The following DERA variants were observed in gnomAD, a reference collection of about 807,000 sequenced individuals.
DERA encodes the protein deoxyribose-phosphate aldolase, also known as 2-deoxy-D-ribose 5-phosphate aldolase.
In DERA, 15 loss-of-function variants were observed where a neutral mutation model predicts 41.1. The observed-to-expected ratio is 0.37, with a 90% CI of 0.24 to 0.56. The LOEUF (loss-of-function observed/expected upper bound fraction) is 0.56, where lower values mean the gene tolerates loss of function less well. DERA is among the 20% of genes least tolerant of loss of function. DERA has a pLI of 0.81. For missense variants in DERA, 396 were observed against 403.4 expected (o/e 0.98, Z 0.16); for synonymous variants, 139 against 137.4 (o/e 1.01, Z -0.08).
chr12:15,919,970 ATGTGTG>A (rs10523539), intron 1 of DERA, among the ~76,000 whole-genome samples: 1 of 148,166 alleles, frequency 6.7e-6, no homozygotes, highest in South Asian at 2.2e-4. Flanking sequence ...TGAGAAAGAA[ATGTGTG>A]TGTGTGTGTG....
chr12:16,034,343 T>C (rs1273428508), intron 7 of DERA, among the ~76,000 whole-genome samples: 2 of 152,332 alleles, frequency 1.3e-5, no homozygotes, highest in East Asian at 3.9e-4. Flanking sequence ...AGAATGTCAA[T>C]GAAATTTTTA....
chr12:15,940,421 G>A lies in DERA; in HGVS notation c.32-16515G>A, dbSNP rs923550365. ...GGCTGGAGTACAGTGGCATGATCTT[G>A]GCTCACTGCAACCTCCACCTCCCGG... On this transcript the variant is annotated intron_variant, in intron 1 of 8. Transcript: ENST00000428559. This position sits in a 1 kb window ranked among gnomAD's most constrained non-coding sequence, Gnocchi z 5.1. Among the ~76,000 whole-genome samples, 3 of 151,892 alleles carry A rather than the reference G, an allele frequency of 2.0e-5. No individual in the cohort carries two copies. Among genetic ancestry groups the A allele is most frequent in the African/African-American group, 7.3e-5 (3 of 41,318 alleles).
rs1948241667 is a variant in DERA at position 15,921,278 on chromosome 12, C to A, written c.31+9864C>A. Among the ~76,000 whole-genome samples the A allele has an allele frequency of 6.6e-6, 1 of 151,658 alleles. No homozygotes were observed. Among genetic ancestry groups the A allele is most frequent in the Non-Finnish European group, 1.5e-5 (1 of 67,918 alleles). On this transcript the variant is annotated intron_variant, in intron 1 of 8. Coordinates refer to ENST00000428559, the MANE Select transcript of DERA (RefSeq NM_015954.4). The surrounding 1 kb of genome is among the most constrained non-coding windows in gnomAD (Gnocchi z 5.3). The stretch of plus-strand genomic sequence containing the variant: ...AGGGACATACTTTATTCAAATGATG[C>A]CAGTGGTTAGTGGAAGGATATAATC...
At position 16,036,842 on chromosome 12, in the gene DERA, T is replaced by C; in HGVS notation, c.*96T>C. 2.2e-6 allele frequency: 2 copies of C among 909,734 alleles called. No individual in the cohort carries two copies. Among genetic ancestry groups the C allele is most frequent in the Non-Finnish European group, 3.4e-6 (2 of 588,754 alleles). The allele number at this position is 909,734 out of a possible 1,614,324, so 56.4% of individuals were successfully genotyped here. A position where few individuals can be genotyped will look rare whatever the true frequency, so the allele number is the denominator to read the frequency against. On this transcript the variant is annotated 3_prime_UTR_variant, in exon 9 of 9. Transcript: ENST00000428559. The surrounding 1 kb of genome is among the most constrained non-coding windows in gnomAD (Gnocchi z 4.9). ...ATTATTTAATTAAAAAATTGGGCAGTAGGTAACTGGCATTCCTCTCTTTAA... is the reference window on the plus strand; with the variant it reads ...ATTATTTAATTAAAAAATTGGGCAGCAGGTAACTGGCATTCCTCTCTTTAA...
chr12:15,930,548 A>G (rs1467347619), intron 1 of DERA, among the ~76,000 whole-genome samples: 3 of 152,210 alleles, frequency 2.0e-5, no homozygotes, highest in African/African-American at 7.2e-5. Context: ...AAATAATCAT[A>G]GACAAGTGTT....
intron 1 of DERA, among the ~76,000 whole-genome samples, chr12:15,914,080 G>A (rs1415069271): frequency 6.6e-6 from 1 of 152,032 alleles, no homozygotes; most frequent in African/African-American, 2.4e-5. Flanking sequence ...TACACAGAAG[G>A]CCCTCAAAAA....
chr12:15,940,562 A>G lies in DERA; in HGVS notation c.32-16374A>G, dbSNP rs1259664010. Among the ~76,000 whole-genome samples the G allele has an allele frequency of 6.6e-6, 1 of 152,110 alleles. No homozygotes were observed. Among genetic ancestry groups the G allele is most frequent in the East Asian group, 1.9e-4 (1 of 5,178 alleles). On this transcript the variant is annotated intron_variant, in intron 1 of 8. Coordinates refer to ENST00000428559, the MANE Select transcript of DERA (RefSeq NM_015954.4). The surrounding 1 kb of genome is among the most constrained non-coding windows in gnomAD (Gnocchi z 5.1). ...GAGACAGAGTTTCACCATGTTAGCC[A>G]AGATGGTCTTGATCTCCTGACCTCG...
intron 6 of DERA, among the ~76,000 whole-genome samples, chr12:16,030,353 A>G (rs892961938): frequency 1.3e-5 from 2 of 152,168 alleles, no homozygotes; most frequent in Non-Finnish European, 2.9e-5. Context: ...TTAGAAAAAC[A>G]CATCTTGATA....
At position 15,938,063 on chromosome 12, in the gene DERA, C is replaced by T. The variant is rs1948381631; in HGVS notation, c.32-18873C>T. 6.6e-6 allele frequency among the ~76,000 whole-genome samples: 1 copy of T among 152,148 alleles called. No individual in the cohort carries two copies. The highest frequency in any genetic ancestry group is 2.1e-4 in the South Asian group (1 of 4,826). ...ACAACATAACCACTGGATTATGTGCCAGGGCCTGATAGACAATGAACACCT... is the reference window on the plus strand; with the variant it reads ...ACAACATAACCACTGGATTATGTGCTAGGGCCTGATAGACAATGAACACCT... On this transcript the variant is annotated intron_variant, in intron 1 of 8. Coordinates refer to ENST00000428559, the MANE Select transcript of DERA (RefSeq NM_015954.4). This position sits in a 1 kb window ranked among gnomAD's most constrained non-coding sequence, Gnocchi z 4.1.
intron 1 of DERA, among the ~76,000 whole-genome samples, chr12:15,917,301 T>C (rs932402963): frequency 6.6e-6 from 1 of 152,232 alleles, no homozygotes; most frequent in African/African-American, 2.4e-5. Context: ...GGTAAGAGAA[T>C]TTAAAAATTT....
intron 1 of DERA, among the ~76,000 whole-genome samples, chr12:15,950,523 G>A (rs149957142): frequency 6.6e-6 from 1 of 152,300 alleles, no homozygotes; most frequent in Admixed American, 6.5e-5. Flanking sequence ...CTGTGACTTA[G>A]AATGCCTTAA....
Position 15,998,035 on chromosome 12 carries a change from C to G in DERA, c.637+15599C>G, listed in dbSNP as rs559925268. On this transcript the variant is annotated intron_variant, in intron 6 of 8. Coordinates refer to ENST00000428559, the MANE Select transcript of DERA (RefSeq NM_015954.4). The surrounding 1 kb of genome is among the most constrained non-coding windows in gnomAD (Gnocchi z 4.8). ...AGGTCAAATTCATAAGAAATTTGCCCGAGGACAAATAACTAAAGTCAAAAC... is the reference window on the plus strand; with the variant it reads ...AGGTCAAATTCATAAGAAATTTGCCGGAGGACAAATAACTAAAGTCAAAAC... Among the ~76,000 whole-genome samples the G allele has an allele frequency of 2.6e-5, 4 of 152,056 alleles. No individual in the cohort carries two copies. The highest frequency in any genetic ancestry group is 5.9e-5 in the Non-Finnish European group (4 of 68,014).
In DERA at chr12:15,959,464, T is replaced by C. The variant is rs1176652672; in HGVS notation, c.278-365T>C. ...CTGTCCTTCTTCAAACTGTCCTTTC[T>C]TCAGGTATGTCCTATGTGAATGCTC... is the stretch of plus-strand genomic sequence containing the variant. On this transcript the variant is annotated intron_variant, in intron 3 of 8. Transcript: ENST00000428559. This position sits in a 1 kb window ranked among gnomAD's most constrained non-coding sequence, Gnocchi z 4.5. 2.0e-5 allele frequency among the ~76,000 whole-genome samples: 3 copies of C among 152,250 alleles called. No individual in the cohort carries two copies. The highest frequency in any genetic ancestry group is 4.4e-5 in the Non-Finnish European group (3 of 68,038).
Position 15,966,841 on chromosome 12 carries a change from G to C in DERA, c.508+3894G>C, listed in dbSNP as rs141717306. Among the ~76,000 whole-genome samples the C allele has an allele frequency of 1.8e-3, 276 of 152,188 alleles. 2 individuals are homozygous for C. The highest frequency in any genetic ancestry group is 2.3e-3 in the Non-Finnish European group (155 of 68,022). ...CCTTGGTGTGCTTTCCTTTGGAAAC[G>C]TCATGTCCTTGCTGATTTCAGTTAC... On this transcript the variant is annotated intron_variant, in intron 5 of 8. Transcript: ENST00000428559. This position sits in a 1 kb window ranked among gnomAD's most constrained non-coding sequence, Gnocchi z 5.1.
At chr12:16,002,147 A>T (rs1408547134) in intron 6 of DERA, among the ~76,000 whole-genome samples, 1 of 56,488 alleles carries the variant, frequency 1.8e-5, no homozygotes, top group Non-Finnish European at 3.3e-5. Context: ...CCCCTTCCCC[A>T]CAACAGCCCT....
chr12:15,969,684 C>T (rs6488804), intron 5 of DERA, among the ~76,000 whole-genome samples: 94,189 of 152,016 alleles, frequency 0.62, 29,549 homozygotes, highest in East Asian at 0.81. Context: ...CATTTTCTTA[C>T]ATGAAGAGAA....
In DERA at chr12:15,992,470, A is replaced by G. The variant is rs1415931852; in HGVS notation, c.637+10034A>G. On this transcript the variant is annotated intron_variant, in intron 6 of 8. Coordinates refer to ENST00000428559, the MANE Select transcript of DERA (RefSeq NM_015954.4). This position sits in a 1 kb window ranked among gnomAD's most constrained non-coding sequence, Gnocchi z 4.3. ...GGAGATGGATCTGGAGGCAAGGAAG[A>G]ACCAGGGAGAACTTTTTGCTTTGGT... is the stretch of plus-strand genomic sequence containing the variant. Among the ~76,000 whole-genome samples, 3 of 152,170 alleles carry G rather than the reference A, an allele frequency of 2.0e-5. No homozygotes were observed. The highest frequency in any genetic ancestry group is 4.4e-5 in the Non-Finnish European group (3 of 67,982).
chr12:16,023,169 A>G (rs1435762396), intron 6 of DERA, among the ~76,000 whole-genome samples: 7 of 152,174 alleles, frequency 4.6e-5, no homozygotes, highest in African/African-American at 1.7e-4. Flanking sequence ...CTCATCTGTT[A>G]CCACCACAGC....
intron 1 of DERA, among the ~76,000 whole-genome samples, chr12:15,942,549 T>C (rs542379406): frequency 3.3e-5 from 5 of 152,200 alleles, no homozygotes; most frequent in Non-Finnish European, 7.3e-5. Context: ...AGGCAAGAGA[T>C]GGGGATCCAA....
Sources: gnomAD v4.1 joint callset for allele counts (sites outside exome capture counted in the v4.1 genomes callset) on GRCh38, gnomAD v4.1.1 for gene constraint, Gnocchi (gnomAD v3.1) non-coding constraint, MANE v1.5 for transcripts, NCBI Gene and HGNC (gene_info 2026-07-23, HGNC 2026-07-21) for gene names.